Variants in FBN2 observed in about 807,000 individuals in gnomAD.
FBN2 encodes fibrillin 2.
A neutral mutation model predicts 355.6 loss-of-function variants in FBN2; 105 were observed. The ratio of observed to expected loss-of-function variants is 0.30; its 90% CI spans 0.25 to 0.35. The LOEUF (loss-of-function observed/expected upper bound fraction) is 0.35, where lower values mean the gene tolerates loss of function less well. Ranked by LOEUF, FBN2 falls within the 10% of genes least tolerant of loss-of-function variation. FBN2 has a pLI of 1.00. For missense variants in FBN2, 3,280 were observed against 3,758.7 expected (o/e 0.87, Z 3.33); for synonymous variants, 1,350 against 1,301.2 (o/e 1.04, Z -0.81).
intron 48 of FBN2, 72 bp downstream of exon 48, chr5:128,300,745 T>C: frequency 1.3e-6 from 2 of 1,509,868 alleles, no homozygotes; most frequent in Admixed American, 3.3e-5. Context: ...GCACTTAGTA[T>C]GTTTCCAGAG....
rs1750623206 is a variant in FBN2, at chr5:128,328,887, C to T, written c.4346-66G>A. Reference sequence around the variant, plus strand: ...TTTCATGACACATTTTCTCCTTGCTCTATAAATAGATCAGTTTTACTGGCT... The same window carrying T: ...TTTCATGACACATTTTCTCCTTGCTTTATAAATAGATCAGTTTTACTGGCT... On this transcript the variant is annotated intron_variant, in intron 33 of 64. Coordinates refer to ENST00000262464, the MANE Select transcript of FBN2 (RefSeq NM_001999.4). The T allele has an allele frequency of 1.9e-6, 3 of 1,557,026 alleles. No individual in the cohort carries two copies. In the Admixed American group the frequency reaches 5.0e-5, roughly 26 times the overall value.
At chr5:128,299,259 G>A (rs1407551332) in intron 48 of FBN2, among the ~76,000 whole-genome samples, 1 of 151,858 alleles carries the variant, frequency 6.6e-6, no homozygotes, top group African/African-American at 2.4e-5. Flanking sequence ...GGACATTTAA[G>A]TCTGCAGAGG....
chr5:128,531,274 C>T (rs1756698087), intron 2 of FBN2, among the ~76,000 whole-genome samples: 1 of 151,946 alleles, frequency 6.6e-6, no homozygotes, highest in South Asian at 2.1e-4. Context: ...CTGGATGTGA[C>T]TGGAGACTTA....
intron 64 of FBN2, 91 bp downstream of exon 64, chr5:128,261,645 T>C: frequency 8.8e-7 from 1 of 1,142,844 alleles, no homozygotes. Flanking sequence ...TATGATTAAC[T>C]TCAGTGAGGC....
At chr5:128,434,705 G>A (rs1036576636) in intron 7 of FBN2, among the ~76,000 whole-genome samples, 1 of 151,302 alleles carries the variant, frequency 6.6e-6, no homozygotes, top group African/African-American at 2.4e-5. Flanking sequence ...ATTTTATTTT[G>A]GCCTGAATTA....
chr5:128,393,995 A>G (rs1010903391), intron 9 of FBN2, among the ~76,000 whole-genome samples: 5 of 152,146 alleles, frequency 3.3e-5, no homozygotes, highest in Non-Finnish European at 7.4e-5. Flanking sequence ...AAGGAAAAAA[A>G]ATTATTAATT....
At chr5:128,325,583 C>T (rs1750521927) in intron 34 of FBN2, among the ~76,000 whole-genome samples, 2 of 152,186 alleles carry the variant, frequency 1.3e-5, no homozygotes, top group Admixed American at 6.5e-5. Context: ...TGTAGCAAAT[C>T]TAAGTCTTTG....
rs575400452 is a variant in FBN2, at chr5:128,371,643, C to A, written c.2096-2309G>T. Among the ~76,000 whole-genome samples the A allele has an allele frequency of 2.8e-4, 43 of 152,118 alleles. 2 individuals carry two copies. In the South Asian group the frequency reaches 8.7e-3, roughly 31 times the overall value. On this transcript the variant is annotated intron_variant, in intron 15 of 64. Transcript: ENST00000262464. Reference sequence around the variant, plus strand: ...CCAGCTCCTGGGTTCAAGTGATTCTCCTGCCTCAGCCTCCTGAGTAGCTGG... The same window carrying A: ...CCAGCTCCTGGGTTCAAGTGATTCTACTGCCTCAGCCTCCTGAGTAGCTGG...
chr5:128,419,264 T>C (rs1753282808), intron 7 of FBN2, among the ~76,000 whole-genome samples: 1 of 152,208 alleles, frequency 6.6e-6, no homozygotes, highest in Admixed American at 6.5e-5. Context: ...CAAATAGAGA[T>C]AGTTTTACTT....
intron 7 of FBN2, among the ~76,000 whole-genome samples, chr5:128,425,009 C>T (rs1215100742): frequency 1.4e-5 from 2 of 139,380 alleles, no homozygotes; most frequent in East Asian, 3.9e-4. Flanking sequence ...TCTCTCTTTT[C>T]CTTTTCCTTT....
chr5:128,451,580 A>T (rs1754249282), intron 6 of FBN2, among the ~76,000 whole-genome samples: 1 of 151,958 alleles, frequency 6.6e-6, no homozygotes, highest in Non-Finnish European at 1.5e-5. Flanking sequence ...TTGTACTTTG[A>T]GTAGAGACAG....
In FBN2 at chr5:128,364,781, T is replaced by C. The variant is rs533941829; in HGVS notation, c.2303-56A>G. On this transcript the variant is annotated intron_variant, in intron 17 of 64. Transcript: ENST00000262464. ...CAACAAACATGTTATTGTTTGTTGA[T>C]AAATGCAGGTCTAGTAAAGACCATT... The C allele has an allele frequency of 9.7e-5, 141 of 1,459,542 alleles. No homozygotes were observed. In the East Asian group the frequency reaches 2.9e-3, roughly 31 times the overall value. 90.4% of individuals were successfully genotyped at this position (1,459,542 alleles called of 1,614,324 possible). A position where few individuals can be genotyped will look rare whatever the true frequency, so the allele number is the denominator to read the frequency against.
intron 8 of FBN2, among the ~76,000 whole-genome samples, chr5:128,405,707 A>G (rs564367833): frequency 1.3e-5 from 2 of 152,286 alleles, no homozygotes; most frequent in South Asian, 4.1e-4. Flanking sequence ...TGGCAATTCT[A>G]CCTCATAACT....
chr5:128,380,622 T>C (rs1438600098), intron 11 of FBN2, among the ~76,000 whole-genome samples: 3 of 152,132 alleles, frequency 2.0e-5, no homozygotes, highest in Non-Finnish European at 4.4e-5. Flanking sequence ...CACTTAATTT[T>C]GGTCAAAACA....
Position 128,344,514 on chromosome 5 carries a change from A to C in FBN2, c.3218-4T>G. The C allele has an allele frequency of 6.2e-7, 1 of 1,613,790 alleles. No individual in the cohort carries two copies. Among genetic ancestry groups the C allele is most frequent in the South Asian group, 1.1e-5 (1 of 91,076 alleles). ...AATGCTTTGCATTCATTGATGTCTA[A>C]AAGCAGAATGAAGCCAGAATGTAGA... is the stretch of plus-strand genomic sequence containing the variant. On this transcript the variant is annotated splice_polypyrimidine_tract_variant and splice_region_variant and intron_variant, in intron 24 of 64. Coordinates refer to ENST00000262464, the MANE Select transcript of FBN2 (RefSeq NM_001999.4).
In FBN2 at chr5:128,312,705, C is replaced by T. The variant is rs751661259; in HGVS notation, c.4808G>A (p.Arg1603His). 2.5e-6 allele frequency: 4 copies of T among 1,613,714 alleles called. No homozygotes were observed. Among genetic ancestry groups the T allele is most frequent in the African/African-American group, 2.7e-5 (2 of 74,824 alleles). The change falls in exon 37 of 65, where the codon CGC (arginine) becomes CAC (histidine). Residue 1603 changes from arginine to histidine, a missense_variant. Arg to His is a conservative substitution (Grantham distance 29). Around this residue, in one of 6 missense-constraint regions of FBN2, gnomAD observed 2,284 missense variants for 2,749.5 expected, o/e 0.83. Coordinates refer to ENST00000262464, the MANE Select transcript of FBN2 (RefSeq NM_001999.4). ...CNTEIGVGVS[R>H]SSCCCSLGKA... ...TCCCAGAGAGCAGCAGCATGAAGAGCGACTGACGCCCACCCCGATCTCGGT... is the reference window on the plus strand; with the variant it reads ...TCCCAGAGAGCAGCAGCATGAAGAGTGACTGACGCCCACCCCGATCTCGGT...
At position 128,515,171 on chromosome 5, in the gene FBN2, T is replaced by G. The variant is rs183847922; in HGVS notation, c.628+4102A>C. 4.6e-5 allele frequency among the ~76,000 whole-genome samples: 7 copies of G among 152,284 alleles called. No individual in the cohort carries two copies. The East Asian group carries it at 1.3e-3, about 29-fold the overall frequency. On this transcript the variant is annotated intron_variant, in intron 5 of 64. Transcript: ENST00000262464. ...ATTTGTCCATCTTTACACCTGCTCT[T>G]GGAGGATTTGGGTAAGGTCTAAGTA... is the stretch of plus-strand genomic sequence containing the variant.
intron 51 of FBN2, 26 bp downstream of exon 51, chr5:128,289,856 T>G (rs754574755): frequency 1.5e-6 from 2 of 1,353,610 alleles, no homozygotes; most frequent in African/African-American, 1.4e-5. Context: ...AATAAGAATA[T>G]AGGAATAAAA....
At chr5:128,281,242 T>G (rs1765536400) in intron 55 of FBN2, among the ~76,000 whole-genome samples, 1 of 152,238 alleles carries the variant, frequency 6.6e-6, no homozygotes, top group Non-Finnish European at 1.5e-5. Flanking sequence ...TCATGATTAC[T>G]GATATGTTTA....
Sources: allele counts gnomAD v4.1 joint callset (sites outside exome capture counted in the v4.1 genomes callset), GRCh38; gene constraint gnomAD v4.1.1; regional missense constraint gnomAD v4.1.1; transcripts MANE v1.5; gene names NCBI Gene and HGNC (gene_info 2026-07-23, HGNC 2026-07-21).